The following HDAC9 variants were observed in gnomAD, a reference collection of about 807,000 sequenced individuals.
HDAC9 encodes the protein MEF-2 interacting transcription repressor (MITR) protein.
A neutral mutation model predicts 139.4 loss-of-function variants in HDAC9; 41 were observed. The ratio of observed to expected loss-of-function variants is 0.29; its 90% CI spans 0.23 to 0.38. HDAC9 has a LOEUF of 0.38. HDAC9 is among the 10% of genes least tolerant of loss of function. The pLI is 1.00. For missense variants in HDAC9, 1,147 were observed against 1,297.0 expected, an observed-to-expected ratio of 0.88 and a Z score of 1.78; for synonymous variants, 517 against 476.2, an observed-to-expected ratio of 1.09 and a Z score of -1.12.
At chr7:18,935,281 A>G (rs1478945244) in intron 22 of HDAC9, among the ~76,000 whole-genome samples, 2 of 152,164 alleles carry the variant, frequency 1.3e-5, no homozygotes, top group African/African-American at 4.8e-5. Context: ...TTTTGCATTT[A>G]TCAAATGTTT....
chr7:18,231,911 A>C (rs1562774075), intron 2 of HDAC9, among the ~76,000 whole-genome samples: 1 of 152,210 alleles, frequency 6.6e-6, no homozygotes, highest in Non-Finnish European at 1.5e-5. Flanking sequence ...GTTAAAACTG[A>C]TGAAAACATG....
chr7:18,108,887 T>C (rs1021866111), intron 1 of HDAC9, among the ~76,000 whole-genome samples: 2 of 152,108 alleles, frequency 1.3e-5, no homozygotes, highest in African/African-American at 4.8e-5. Flanking sequence ...CCCAAAGTGT[T>C]GGATTACAGG....
intron 2 of HDAC9, among the ~76,000 whole-genome samples, chr7:18,173,122 A>T (rs994015522): frequency 6.6e-5 from 10 of 152,118 alleles, no homozygotes; most frequent in Non-Finnish European, 1.5e-4. Context: ...TTGCTTTATG[A>T]ATCTGGGTGC....
rs112962273 is a variant in HDAC9 at position 18,467,772 on chromosome 7, G to A, written c.-41-28490G>A. On this transcript the variant is annotated intron_variant, in intron 1 of 3. Coordinates refer to the HDAC9 transcript ENST00000413509. ...ACATTACTGTTGCCCAAACTCCACA[G>A]TTTATTTGGATTTTAATAGTTTTCC... 2.9e-3 allele frequency among the ~76,000 whole-genome samples: 448 copies of A among 152,178 alleles called. 5 individuals are homozygous for A. Among genetic ancestry groups the A allele is most frequent in the Non-Finnish European group, 3.4e-3 (230 of 67,986 alleles).
intron 13 of HDAC9, among the ~76,000 whole-genome samples, chr7:18,734,484 G>C (rs191530576): frequency 6.6e-6 from 1 of 152,210 alleles, no homozygotes; most frequent in Non-Finnish European, 1.5e-5. Context: ...GTGGTGGTTG[G>C]TTTTCTGTCC....
At chr7:18,111,269 G>T (rs555373993) in intron 1 of HDAC9, among the ~76,000 whole-genome samples, 9 of 152,316 alleles carry the variant, frequency 5.9e-5, no homozygotes, top group African/African-American at 2.2e-4. Flanking sequence ...AAATAGTTTG[G>T]TCTGCAAAGT....
intron 12 of HDAC9, among the ~76,000 whole-genome samples, chr7:18,673,977 G>A (rs1795813941): frequency 6.6e-6 from 1 of 152,030 alleles, no homozygotes; most frequent in Admixed American, 6.6e-5. Context: ...CTCAAAGTTA[G>A]TAAATTCATG....
intron 1 of HDAC9, among the ~76,000 whole-genome samples, chr7:18,303,708 TAG>T (rs1390141480): frequency 3.9e-5 from 6 of 152,142 alleles, no homozygotes; most frequent in Non-Finnish European, 8.8e-5. Context: ...CCATTTGAGA[TAG>T]GTGTGGCCAT....
intron 17 of HDAC9, among the ~76,000 whole-genome samples, chr7:18,802,464 A>G (rs956594994): frequency 5.9e-5 from 9 of 151,942 alleles, no homozygotes; most frequent in African/African-American, 2.2e-4. Context: ...GTGTGCTTAA[A>G]TAGAATCGGC....
intron 17 of HDAC9, among the ~76,000 whole-genome samples, chr7:18,822,809 G>T (rs1252635557): frequency 6.6e-6 from 1 of 152,058 alleles, no homozygotes; most frequent in East Asian, 1.9e-4. Context: ...ATCTTTCTGT[G>T]CCTCAATTTC....
At chr7:18,262,335 A>G (rs544836423) in intron 2 of HDAC9, among the ~76,000 whole-genome samples, 90 of 152,234 alleles carry the variant, frequency 5.9e-4, no homozygotes, top group Non-Finnish European at 2.2e-4. Flanking sequence ...GTGGCATGAC[A>G]TATTCAAAGT....
intron 2 of HDAC9, among the ~76,000 whole-genome samples, chr7:18,163,851 A>G (rs1787826313): frequency 6.6e-6 from 1 of 152,108 alleles, no homozygotes; most frequent in East Asian, 1.9e-4. Flanking sequence ...GTGGTCAAGT[A>G]TTTTTTTCTT....
At chr7:18,128,111 CGCTTCTCAGTGAA>C (rs1210666132) in intron 1 of HDAC9, among the ~76,000 whole-genome samples, 1 of 151,794 alleles carries the variant, frequency 6.6e-6, no homozygotes, top group Non-Finnish European at 1.5e-5. Flanking sequence ...GCAGACCAGA[CGCTTCTCAGTGAA>C]GCTAATCCAA....
chr7:18,123,680 G>A (rs910257985), intron 1 of HDAC9, among the ~76,000 whole-genome samples: 20 of 152,138 alleles, frequency 1.3e-4, no homozygotes, highest in African/African-American at 4.8e-4. Context: ...CCCATGACCT[G>A]GGGTGAAGCA....
At chr7:18,951,765 A>G (rs1782813858) in intron 23 of HDAC9, among the ~76,000 whole-genome samples, 1 of 151,808 alleles carries the variant, frequency 6.6e-6, no homozygotes. Context: ...ATATTATTTT[A>G]TTAGTTATTA....
At chr7:18,883,934 T>C (rs1304315136) in intron 22 of HDAC9, among the ~76,000 whole-genome samples, 3 of 152,068 alleles carry the variant, frequency 2.0e-5, no homozygotes, top group Non-Finnish European at 4.4e-5. Context: ...AATAATCCCA[T>C]GTACAATAGC....
At chr7:18,352,663 A>G (rs535382827) in intron 1 of HDAC9, among the ~76,000 whole-genome samples, 2 of 152,200 alleles carry the variant, frequency 1.3e-5, no homozygotes, top group South Asian at 2.1e-4. Context: ...CTTTTTCGTT[A>G]TGATGGTTAG....
intron 1 of HDAC9, among the ~76,000 whole-genome samples, chr7:18,429,650 G>A (rs1287440084): frequency 6.6e-6 from 1 of 152,024 alleles, no homozygotes; most frequent in Non-Finnish European, 1.5e-5. Flanking sequence ...TAGATTACGT[G>A]TTTTTGGTAA....
intron 6 of HDAC9, among the ~76,000 whole-genome samples, chr7:18,620,818 C>G (rs1223597758): frequency 6.6e-6 from 1 of 152,140 alleles, no homozygotes; most frequent in Non-Finnish European, 1.5e-5. Flanking sequence ...TGGTAGTTCT[C>G]TTTCCCATGT....
Sources: allele counts gnomAD v4.1 joint callset (sites outside exome capture counted in the v4.1 genomes callset), GRCh38; gene constraint gnomAD v4.1.1; transcripts MANE v1.5; gene names NCBI Gene and HGNC (gene_info 2026-07-23, HGNC 2026-07-21).